Variants in MGMT observed in about 807,000 individuals in gnomAD.
MGMT encodes the protein methylated-DNA--protein-cysteine methyltransferase.
Under a neutral mutation model 15.9 loss-of-function variants are expected in MGMT, and 14 were observed. That is an observed-to-expected ratio of 0.88 (90% CI 0.58 to 1.37). The LOEUF (loss-of-function observed/expected upper bound fraction) is 1.37. Among genes scored for constraint, MGMT ranks in the 40% most tolerant of loss-of-function variants. The pLI, the probability that MGMT is intolerant of heterozygous loss-of-function variation, is 0.00. For missense variants in MGMT, 282 were observed against 268.1 expected (o/e 1.05, Z -0.36); for synonymous variants, 130 against 118.2 (o/e 1.10, Z -0.65).
chr10:129,489,681 C>T (rs1845448343), intron 1 of MGMT, among the ~76,000 whole-genome samples: 1 of 152,142 alleles, frequency 6.6e-6, no homozygotes, highest in Non-Finnish European at 1.5e-5. Flanking sequence ...ACAGCTTGTG[C>T]ACCTTTTGAA....
intron 2 of MGMT, among the ~76,000 whole-genome samples, chr10:129,544,890 A>T (rs957410266): frequency 6.6e-6 from 1 of 152,148 alleles, no homozygotes; most frequent in Non-Finnish European, 1.5e-5. Flanking sequence ...CTCAGAGCCC[A>T]TTTCTGTTTC....
chr10:129,603,493 AAC>A (rs1462553210), intron 2 of MGMT, among the ~76,000 whole-genome samples: 2 of 152,242 alleles, frequency 1.3e-5, no homozygotes, highest in East Asian at 3.8e-4. Flanking sequence ...GTACATCAAC[AAC>A]ATTGCTGTCT....
chr10:129,714,984 G>A (rs183102786), intron 3 of MGMT, among the ~76,000 whole-genome samples: 1 of 152,250 alleles, frequency 6.6e-6, no homozygotes, highest in East Asian at 1.9e-4. Context: ...GTAAGAGGTG[G>A]CCAGGTCCTT....
At chr10:129,738,749 T>C (rs559822972) in intron 3 of MGMT, among the ~76,000 whole-genome samples, 22 of 152,322 alleles carry the variant, frequency 1.4e-4, no homozygotes, top group African/African-American at 5.1e-4. Context: ...GTACCATTCC[T>C]TCTGAAACTA....
At chr10:129,692,290 C>T (rs937518690) in intron 2 of MGMT, among the ~76,000 whole-genome samples, 1 of 152,132 alleles carries the variant, frequency 6.6e-6, no homozygotes, top group Non-Finnish European at 1.5e-5. Flanking sequence ...ACCTGGGGAG[C>T]CTGAGCGGCG....
At chr10:129,547,070 A>G (rs1846105393) in intron 2 of MGMT, among the ~76,000 whole-genome samples, 1 of 152,158 alleles carries the variant, frequency 6.6e-6, no homozygotes, top group East Asian at 1.9e-4. Context: ...AGTTTATCAC[A>G]CTGCAGAATT....
intron 3 of MGMT, among the ~76,000 whole-genome samples, chr10:129,715,893 C>CA (rs1848289537): frequency 6.6e-6 from 1 of 152,170 alleles, no homozygotes; most frequent in African/African-American, 2.4e-5. Flanking sequence ...ATTCATGAGT[C>CA]TCTGTCCCTC....
intron 2 of MGMT, chr10:129,701,028 A>G (rs1465961341): frequency 6.6e-6 from 1 of 152,164 alleles, no homozygotes; most frequent in East Asian, 1.9e-4. Flanking sequence ...AAGCCAGAGG[A>G]GGTGGGGTGC....
chr10:129,650,213 G>T (rs1004582468), intron 2 of MGMT, among the ~76,000 whole-genome samples: 6 of 152,154 alleles, frequency 3.9e-5, no homozygotes, highest in African/African-American at 1.4e-4. Context: ...GGGTAGCCTC[G>T]CCCTGGGAGG....
chr10:129,757,471 C>A (rs530898613), intron 3 of MGMT, among the ~76,000 whole-genome samples: 1 of 152,188 alleles, frequency 6.6e-6, no homozygotes, highest in Admixed American at 6.5e-5. Context: ...ACGGAAAGCA[C>A]AGAAAACAAA....
chr10:129,544,387 T>C (rs536257744), intron 2 of MGMT, among the ~76,000 whole-genome samples: 12 of 152,346 alleles, frequency 7.9e-5, no homozygotes, highest in African/African-American at 2.4e-4. Flanking sequence ...CCAGGTTGTC[T>C]TCAGACTGCG....
chr10:129,488,618 T>C (rs894967895), intron 1 of MGMT, among the ~76,000 whole-genome samples: 1 of 152,222 alleles, frequency 6.6e-6, no homozygotes, highest in Admixed American at 6.5e-5. Flanking sequence ...TTTGCACATT[T>C]TGTGTCTCGT....
intron 2 of MGMT, chr10:129,537,259 G>T (rs1222120359): frequency 1.3e-5 from 2 of 152,082 alleles, no homozygotes; most frequent in African/African-American, 2.4e-5. Flanking sequence ...CATAAAAATT[G>T]ATTTTAATGG....
At chr10:129,723,939 T>C (rs1848404112) in intron 3 of MGMT, among the ~76,000 whole-genome samples, 1 of 152,220 alleles carries the variant, frequency 6.6e-6, no homozygotes, top group Non-Finnish European at 1.5e-5. Flanking sequence ...TAAAATGTTG[T>C]AACCTCTTTG....
chr10:129,614,345 G>A (rs900395381), intron 2 of MGMT, among the ~76,000 whole-genome samples: 27 of 152,124 alleles, frequency 1.8e-4, no homozygotes, highest in African/African-American at 4.3e-4. Context: ...GTCACAAGCC[G>A]TCTAAGACAC....
chr10:129,569,450 G>A (rs780882435), intron 2 of MGMT, among the ~76,000 whole-genome samples: 1 of 152,118 alleles, frequency 6.6e-6, no homozygotes, highest in East Asian at 1.9e-4. Flanking sequence ...TATCATCCAC[G>A]CTAGAGACTG....
At chr10:129,613,824 G>A (rs1589894094) in intron 2 of MGMT, among the ~76,000 whole-genome samples, 1 of 152,296 alleles carries the variant, frequency 6.6e-6, no homozygotes, top group East Asian at 1.9e-4. Flanking sequence ...TCTGCCTGAG[G>A]TCCCCCCTCC....
chr10:129,666,926 A>G lies in MGMT; in HGVS notation c.126-40969A>G, dbSNP rs530325853. 7.2e-4 allele frequency among the ~76,000 whole-genome samples: 110 copies of G among 152,292 alleles called. 2 individuals carry two copies. In the South Asian group the frequency reaches 0.021, roughly 29 times the overall value. On this transcript the variant is annotated intron_variant, in intron 2 of 4. Transcript: ENST00000651593. ...TTCCCACACCTGAAAAGCATTTGTG[A>G]TTTACTGAAAACCAGTGCATGTTGA...
rs181736298 is a variant in MGMT at position 129,525,201 on chromosome 10, C to T, written c.-12-11040C>T. ...TTGATTGCACAGATTCAAAGCAGTG[C>T]ATGAGCTTCAGAACAGCGTTTATCT... On this transcript the variant is annotated intron_variant, in intron 1 of 4. Coordinates refer to ENST00000651593, the MANE Select transcript of MGMT (RefSeq NM_002412.5). Among the ~76,000 whole-genome samples, 390 of 152,326 alleles carry T rather than the reference C, an allele frequency of 2.6e-3. 1 individual carries two copies. The highest frequency in any genetic ancestry group is 8.9e-3 in the African/African-American group (372 of 41,586).
Sources: allele counts gnomAD v4.1 joint callset (sites outside exome capture counted in the v4.1 genomes callset), GRCh38; gene constraint gnomAD v4.1.1; transcripts MANE v1.5; gene names NCBI Gene and HGNC (gene_info 2026-07-23, HGNC 2026-07-21).